The following TBC1D1 variants were observed in gnomAD, a reference collection of about 807,000 sequenced individuals.
TBC1D1 encodes TBC1 (tre-2/USP6, BUB2, cdc16) domain family, member 1.
Under a neutral mutation model 125.6 loss-of-function variants are expected in TBC1D1, and 89 were observed. The observed-to-expected ratio is 0.71, with a 90% confidence interval of 0.60 to 0.85. TBC1D1 has a LOEUF of 0.85. Among genes scored for constraint, TBC1D1 ranks in the 40% least tolerant of loss-of-function variants. The probability of loss-of-function intolerance (pLI) is 0.00; values close to 1 mark genes in which losing one functional copy is unlikely to be tolerated. For missense variants in TBC1D1, 1,377 were observed against 1,469.2 expected (o/e 0.94, Z 1.03); for synonymous variants, 565 against 564.1 (o/e 1.00, Z -0.02).
At chr4:38,025,679 C>A (rs1050361925) in intron 6 of TBC1D1, among the ~76,000 whole-genome samples, 5 of 152,144 alleles carry the variant, frequency 3.3e-5, no homozygotes, top group African/African-American at 1.2e-4. Context: ...TATGATACTT[C>A]GGCTGTCAGA....
chr4:38,015,744 T>A (rs146343327), intron 3 of TBC1D1, among the ~76,000 whole-genome samples: 1 of 152,302 alleles, frequency 6.6e-6, no homozygotes, highest in East Asian at 1.9e-4. Context: ...CAAAATTATC[T>A]TAAATATAAA....
At chr4:37,969,998 A>C (rs1334118116) in intron 2 of TBC1D1, among the ~76,000 whole-genome samples, 4 of 152,198 alleles carry the variant, frequency 2.6e-5, no homozygotes, top group African/African-American at 4.8e-5. Flanking sequence ...AGAATCATAC[A>C]GTATGCAGTC....
chr4:37,971,435 G>T (rs543632343), intron 2 of TBC1D1, among the ~76,000 whole-genome samples: 1 of 152,214 alleles, frequency 6.6e-6, no homozygotes, highest in East Asian at 1.9e-4. Flanking sequence ...AACAAAAAGG[G>T]TTTTGCCTTA....
intron 2 of TBC1D1, among the ~76,000 whole-genome samples, chr4:37,933,432 TTA>T (rs1491195939): frequency 3.4e-5 from 3 of 87,684 alleles, no homozygotes; most frequent in African/African-American, 1.4e-4. Context: ...CACATATGTT[TTA>T]CACACACACA....
intron 10 of TBC1D1, among the ~76,000 whole-genome samples, chr4:38,046,470 ATTTTTC>A (rs1203965246): frequency 6.6e-6 from 1 of 152,062 alleles, no homozygotes; most frequent in Non-Finnish European, 1.5e-5. Context: ...TACAGCTTAA[ATTTTTC>A]TTTTTTTAAG....
In TBC1D1 at chr4:38,006,640, G is replaced by A. The variant is rs574883541; in HGVS notation, c.418-7869G>A. On this transcript the variant is annotated intron_variant, in intron 2 of 19. Coordinates refer to ENST00000261439, the MANE Select transcript of TBC1D1 (RefSeq NM_015173.4). ...ACTACAGGCATGTGCCACCACGCCC[G>A]GCTAATTTTTTTGTATTTTTAGTAG... The A allele has an allele frequency of 6.2e-4, 139 of 223,714 alleles. 1 individual carries two copies. The South Asian group carries it at 6.9e-3, about 11-fold the overall frequency. The allele number at this position is 223,714 out of a possible 1,614,324, so 13.9% of individuals were successfully genotyped here. A position where few individuals can be genotyped will look rare whatever the true frequency, so the allele number is the denominator to read the frequency against.
At chr4:37,963,451 G>A (rs537876272) in intron 2 of TBC1D1, among the ~76,000 whole-genome samples, 45 of 152,260 alleles carry the variant, frequency 3.0e-4, no homozygotes, top group Middle Eastern at 3.4e-3. Context: ...CCAGGAGTTC[G>A]AAACCAGCCT....
At chr4:38,010,882 A>G (rs545029350) in intron 2 of TBC1D1, among the ~76,000 whole-genome samples, 1 of 152,302 alleles carries the variant, frequency 6.6e-6, no homozygotes, top group East Asian at 1.9e-4. Context: ...CATTCATCTT[A>G]TATTTCTGAA....
At chr4:37,981,463 C>A (rs1434301571) in intron 2 of TBC1D1, among the ~76,000 whole-genome samples, 2 of 152,128 alleles carry the variant, frequency 1.3e-5, no homozygotes, top group East Asian at 1.9e-4. Context: ...GACAAGCAGA[C>A]CCCTGTTTTC....
rs1740529036 is a variant in TBC1D1 at position 38,007,379 on chromosome 4, A to T, written c.418-7130A>T. Reference sequence around the variant, plus strand: ...GCAGTTCTCCTGTCTCAGCCTCCCAAGTAGCTGGGACTACAGGCGCCTGCC... The same window carrying T: ...GCAGTTCTCCTGTCTCAGCCTCCCATGTAGCTGGGACTACAGGCGCCTGCC... On this transcript the variant is annotated intron_variant, in intron 2 of 19. Transcript: ENST00000261439. Among the ~76,000 whole-genome samples, 2 of 151,944 alleles carry T rather than the reference A, an allele frequency of 1.3e-5. 1 individual carries two copies. Among genetic ancestry groups the T allele is most frequent in the South Asian group, 4.2e-4 (2 of 4,816 alleles).
At chr4:38,049,496 G>A in intron 10 of TBC1D1, 122 bp from the exon 11 acceptor site, 1 of 1,206,494 alleles carries the variant, frequency 8.3e-7, no homozygotes, top group South Asian at 1.6e-5. Context: ...GTGGCTTCTA[G>A]ATGGCATTAT....
At chr4:37,991,625 TTC>T (rs903787090) in intron 2 of TBC1D1, among the ~76,000 whole-genome samples, 113 of 106,402 alleles carry the variant, frequency 1.1e-3, no homozygotes, top group African/African-American at 1.3e-3. Context: ...CTGGCAGCTC[TTC>T]TCTCTCTTTT....
At chr4:38,082,663 C>T (rs892335457) in intron 12 of TBC1D1, among the ~76,000 whole-genome samples, 7 of 152,206 alleles carry the variant, frequency 4.6e-5, no homozygotes, top group Non-Finnish European at 8.8e-5. Context: ...CTCCTGTAGA[C>T]CTCCCATTTA....
chr4:38,078,619 C>G (rs76490708), intron 12 of TBC1D1, among the ~76,000 whole-genome samples: 2 of 152,230 alleles, frequency 1.3e-5, no homozygotes, highest in African/African-American at 2.4e-5. Flanking sequence ...AGCTTCCTCT[C>G]TCTTCACCCT....
At chr4:38,015,479 G>GA (rs897429761) in intron 3 of TBC1D1, among the ~76,000 whole-genome samples, 1 of 146,666 alleles carries the variant, frequency 6.8e-6, no homozygotes, top group Non-Finnish European at 1.5e-5. Context: ...TTTTTTTTTA[G>GA]AAAAAAAGTG....
At chr4:38,069,868 T>G (rs1224193604) in intron 12 of TBC1D1, among the ~76,000 whole-genome samples, 1 of 77,798 alleles carries the variant, frequency 1.3e-5, no homozygotes, top group African/African-American at 5.4e-5. Flanking sequence ...GTTTTTTGTT[T>G]TGTTTTGTTT....
intron 2 of TBC1D1, among the ~76,000 whole-genome samples, chr4:37,968,924 C>T (rs1436669530): frequency 6.6e-6 from 1 of 152,120 alleles, no homozygotes; most frequent in African/African-American, 2.4e-5. Context: ...CAAGTCTCTG[C>T]CCAGCTAGTA....
chr4:37,908,012 G>T (rs1254744361), intron 2 of TBC1D1, among the ~76,000 whole-genome samples: 1 of 152,184 alleles, frequency 6.6e-6, no homozygotes. Context: ...TAGCAGAAGT[G>T]TTAGGCTGGG....
At chr4:38,036,606 C>T (rs575391926) in intron 8 of TBC1D1, among the ~76,000 whole-genome samples, 2 of 152,250 alleles carry the variant, frequency 1.3e-5, no homozygotes, top group Non-Finnish European at 2.9e-5. Flanking sequence ...TGCGTCTGGA[C>T]CCTAAACCAA....
Sources: allele counts gnomAD v4.1 joint callset (sites outside exome capture counted in the v4.1 genomes callset), GRCh38; gene constraint gnomAD v4.1.1; transcripts MANE v1.5; gene names NCBI Gene and HGNC (gene_info 2026-07-23, HGNC 2026-07-21).